Variants in PPP2R5A observed in about 807,000 individuals in gnomAD.
PPP2R5A encodes serine/threonine-protein phosphatase 2A 56 kDa regulatory subunit alpha isoform.
A neutral mutation model predicts 64.2 loss-of-function variants in PPP2R5A; 25 were observed. The observed-to-expected ratio is 0.39, with a 90% CI of 0.28 to 0.54. The LOEUF (loss-of-function observed/expected upper bound fraction) is 0.54. PPP2R5A is among the 20% of genes least tolerant of loss of function. The pLI is 0.67. For missense variants in PPP2R5A, 425 were observed against 576.3 expected (o/e 0.74, Z 2.69); for synonymous variants, 198 against 201.2 (o/e 0.98, Z 0.13).
rs751228809 is a variant in PPP2R5A at position 212,316,587 on chromosome 1, C to CTTTTTTTTTTTT, written c.182-12533_182-12522dup. The stretch of plus-strand genomic sequence containing the variant: ...ATGGATATTTAACCTTTGTGGGTGA[C>CTTTTTTTTTTTT]TTTTTTTTTTTTTTTTTTTTTTTTT... On this transcript the variant is annotated intron_variant, in intron 1 of 12. Transcript: ENST00000261461. Among the ~76,000 whole-genome samples, 307 of 36,660 alleles carry CTTTTTTTTTTTT rather than the reference C, an allele frequency of 8.4e-3. 28 individuals carry two copies. The highest frequency in any genetic ancestry group is 0.019 in the South Asian group (10 of 522). The allele number at this position is 36,660 out of a possible 152,430, so 24.1% of individuals were successfully genotyped here.
intron 1 of PPP2R5A, among the ~76,000 whole-genome samples, chr1:212,307,316 A>C (rs1222730988): frequency 6.6e-6 from 1 of 151,716 alleles, no homozygotes; most frequent in Non-Finnish European, 1.5e-5. Flanking sequence ...AACTTATTAG[A>C]ATCAGCTTCA....
intron 2 of PPP2R5A, 34 bp from the exon 3 acceptor site, chr1:212,333,463 C>T: frequency 7.3e-7 from 1 of 1,362,262 alleles, no homozygotes; most frequent in Non-Finnish European, 1.0e-6. Context: ...ATTACACATA[C>T]AACAACGAAC....
chr1:212,289,032 A>G (rs1307181798), intron 1 of PPP2R5A, among the ~76,000 whole-genome samples: 1 of 152,222 alleles, frequency 6.6e-6, no homozygotes, highest in Non-Finnish European at 1.5e-5. Context: ...AAATGTTCAG[A>G]ATAAATTGTT....
At chr1:212,296,112 T>C (rs79388349) in intron 1 of PPP2R5A, among the ~76,000 whole-genome samples, 23,455 of 151,420 alleles carry the variant, frequency 0.15, 2,501 homozygotes, top group East Asian at 0.36. Flanking sequence ...AATGAATTGT[T>C]TGGGAGGAGA....
chr1:212,307,440 A>G (rs1658939823), intron 1 of PPP2R5A, among the ~76,000 whole-genome samples: 1 of 150,926 alleles, frequency 6.6e-6, no homozygotes, highest in South Asian at 2.1e-4. Flanking sequence ...TAATGTTACA[A>G]CCCCGAGAAT....
chr1:212,327,854 G>T (rs981790291), intron 1 of PPP2R5A, among the ~76,000 whole-genome samples: 1 of 152,194 alleles, frequency 6.6e-6, no homozygotes, highest in Non-Finnish European at 1.5e-5. Context: ...TGTCTCTGTT[G>T]CCCAGGCTGG....
chr1:212,297,424 T>C (rs1206732558), intron 1 of PPP2R5A: 1 of 152,148 alleles, frequency 6.6e-6, no homozygotes, highest in African/African-American at 2.4e-5. Flanking sequence ...AATACGTTTC[T>C]TTTTGATAAC....
chr1:212,342,359 T>G (rs1659700260), intron 4 of PPP2R5A, 79 bp downstream of exon 4: 2 of 1,499,408 alleles, frequency 1.3e-6, no homozygotes, highest in Non-Finnish European at 1.8e-6. Flanking sequence ...AATAGTGTAG[T>G]CTTTCAAAAC....
chr1:212,313,338 A>C (rs192117191), intron 1 of PPP2R5A, among the ~76,000 whole-genome samples: 1 of 152,310 alleles, frequency 6.6e-6, no homozygotes, highest in African/African-American at 2.4e-5. Flanking sequence ...ATTCTTACCC[A>C]ATAGGTATAA....
At chr1:212,337,234 A>C (rs1659605816) in intron 3 of PPP2R5A, among the ~76,000 whole-genome samples, 1 of 152,122 alleles carries the variant, frequency 6.6e-6, no homozygotes, top group South Asian at 2.1e-4. Flanking sequence ...CTTTCTATTT[A>C]TTGAAGACTA....
At chr1:212,303,932 T>C (rs955465849) in intron 1 of PPP2R5A, among the ~76,000 whole-genome samples, 7 of 152,242 alleles carry the variant, frequency 4.6e-5, no homozygotes, top group Non-Finnish European at 7.3e-5. Flanking sequence ...ACTTGTTTTA[T>C]ATAGTAAGTT....
intron 8 of PPP2R5A, among the ~76,000 whole-genome samples, chr1:212,349,484 C>G (rs1264186527): frequency 1.3e-5 from 2 of 152,014 alleles, no homozygotes. Flanking sequence ...TTAAGATGTA[C>G]GATGATAGGA....
At chr1:212,335,949 T>G (rs1052594292) in intron 3 of PPP2R5A, among the ~76,000 whole-genome samples, 4 of 152,108 alleles carry the variant, frequency 2.6e-5, no homozygotes, top group African/African-American at 7.2e-5. Flanking sequence ...TAGAATATAT[T>G]TATATGCTCA....
chr1:212,292,379 G>GT (rs1327021951), intron 1 of PPP2R5A, among the ~76,000 whole-genome samples: 2 of 152,132 alleles, frequency 1.3e-5, no homozygotes, highest in Non-Finnish European at 2.9e-5. Flanking sequence ...GTCATTATCT[G>GT]TTTTTTCAAA....
At chr1:212,340,275 T>C (rs530602150) in intron 3 of PPP2R5A, among the ~76,000 whole-genome samples, 17 of 152,236 alleles carry the variant, frequency 1.1e-4, no homozygotes, top group African/African-American at 3.8e-4. Flanking sequence ...ATATCCTCCT[T>C]AAAGCTTTTC....
At chr1:212,324,697 C>T (rs1199266292) in intron 1 of PPP2R5A, among the ~76,000 whole-genome samples, 4 of 151,872 alleles carry the variant, frequency 2.6e-5, no homozygotes, top group Admixed American at 1.3e-4. Context: ...CTCTGCCTCC[C>T]GGGTTCACGC....
chr1:212,307,187 G>A (rs755804284), intron 1 of PPP2R5A, among the ~76,000 whole-genome samples: 6 of 149,540 alleles, frequency 4.0e-5, no homozygotes, highest in Middle Eastern at 3.5e-3. Context: ...GTTTTCTTTA[G>A]TATTAAGTGA....
chr1:212,347,323 A>G (rs374658630), intron 5 of PPP2R5A, 24 bp from the exon 6 acceptor site: 66 of 1,504,252 alleles, frequency 4.4e-5, no homozygotes, highest in Non-Finnish European at 5.0e-5. Flanking sequence ...TTTTGATTAC[A>G]TCTTGTCTTT....
intron 8 of PPP2R5A, chr1:212,352,916 G>A (rs903730371): frequency 1.9e-6 from 1 of 518,984 alleles, no homozygotes; most frequent in African/African-American, 1.9e-5. Flanking sequence ...TCTGTTTGCT[G>A]TAACTGATCT....
Sources: allele counts gnomAD v4.1 joint callset (sites outside exome capture counted in the v4.1 genomes callset), GRCh38; gene constraint gnomAD v4.1.1; transcripts MANE v1.5; gene names NCBI Gene and HGNC (gene_info 2026-07-23, HGNC 2026-07-21).